PCA3: variants seen among roughly 807,000 people sequenced by gnomAD.
PCA3 encodes the protein prostate cancer associated 3.
chr9:76,780,912 C>G (rs1165807970), intron 2 of PCA3, among the ~76,000 whole-genome samples: 1 of 152,134 alleles, frequency 6.6e-6, no homozygotes, highest in South Asian at 2.1e-4. Context: ...AACCCTCATC[C>G]CCGTGTGTTT....
chr9:76,782,055 A>G (rs2054470265), intron 2 of PCA3, among the ~76,000 whole-genome samples: 1 of 152,170 alleles, frequency 6.6e-6, no homozygotes, highest in Non-Finnish European at 1.5e-5. Flanking sequence ...TCTACTAAAA[A>G]TACAAAAAAT....
At chr9:76,785,683 T>C (rs1278528957) in intron 2 of PCA3, 2 of 152,180 alleles carry the variant, frequency 1.3e-5, no homozygotes, top group African/African-American at 4.8e-5. Flanking sequence ...GGTTCACTCC[T>C]GGCAATAAAG....
At chr9:76,769,642 C>G (rs1225948943) in intron 2 of PCA3, among the ~76,000 whole-genome samples, 2 of 152,170 alleles carry the variant, frequency 1.3e-5, no homozygotes. Flanking sequence ...TCAGGCTGGA[C>G]TCGAACTCCC....
intron 2 of PCA3, chr9:76,785,550 C>T (rs1209346247): frequency 6.6e-6 from 1 of 152,174 alleles, no homozygotes; most frequent in South Asian, 2.1e-4. Context: ...AACCTTTATC[C>T]ATTTCATGGT....
At chr9:76,765,897 T>TA (rs2052312974) in intron 2 of PCA3, among the ~76,000 whole-genome samples, 2 of 152,090 alleles carry the variant, frequency 1.3e-5, no homozygotes, top group African/African-American at 4.8e-5. Flanking sequence ...AATATCTCGT[T>TA]AGAGGCCAGA....
intron 2 of PCA3, among the ~76,000 whole-genome samples, chr9:76,770,355 AT>A (rs2052955974): frequency 6.6e-6 from 1 of 152,186 alleles, no homozygotes; most frequent in South Asian, 2.1e-4. Flanking sequence ...GCATTAAAAT[AT>A]CAAGGATTTT....
At chr9:76,781,470 C>T (rs908383065) in intron 2 of PCA3, among the ~76,000 whole-genome samples, 2 of 152,222 alleles carry the variant, frequency 1.3e-5, no homozygotes, top group Admixed American at 6.5e-5. Flanking sequence ...GCCTGGAATG[C>T]TCTTACCCCT....
chr9:76,783,742 G>C (rs1354512805), intron 2 of PCA3: 2 of 152,116 alleles, frequency 1.3e-5, no homozygotes, highest in Non-Finnish European at 2.9e-5. Context: ...TACCATCTGA[G>C]GCCACACATC....
intron 2 of PCA3, chr9:76,778,507 T>C (rs898493862): frequency 2.0e-5 from 3 of 152,196 alleles, no homozygotes; most frequent in East Asian, 1.9e-4. Flanking sequence ...AGGAGATCAG[T>C]TGGAGCAAGC....
chr9:76,769,320 CT>C (rs1304570249), intron 2 of PCA3, among the ~76,000 whole-genome samples: 1 of 152,198 alleles, frequency 6.6e-6, no homozygotes, highest in Non-Finnish European at 1.5e-5. Flanking sequence ...TACAGAATAA[CT>C]GAACTGTTTT....
chr9:76,777,485 A>C (rs2053928510), intron 2 of PCA3, among the ~76,000 whole-genome samples: 1 of 152,200 alleles, frequency 6.6e-6, no homozygotes, highest in African/African-American at 2.4e-5. Flanking sequence ...TGGCTGACTG[A>C]AGAAATGAAT....
intron 2 of PCA3, among the ~76,000 whole-genome samples, chr9:76,777,108 T>C (rs1292143910): frequency 6.6e-6 from 1 of 152,020 alleles, no homozygotes; most frequent in African/African-American, 2.4e-5. Context: ...GGTTGTATAT[T>C]GCTGAGAGAT....
intron 2 of PCA3, among the ~76,000 whole-genome samples, chr9:76,770,122 A>G (rs1438197495): frequency 1.3e-5 from 2 of 152,200 alleles, no homozygotes. Flanking sequence ...ACAATTCTTC[A>G]GTCACTAAAA....
At chr9:76,784,148 G>C (rs538367547) in intron 2 of PCA3, 2 of 152,318 alleles carry the variant, frequency 1.3e-5, no homozygotes, top group African/African-American at 2.4e-5. Flanking sequence ...CGCCATCTTG[G>C]GTCATCGATG....
At chr9:76,780,463 G>A (rs951328768) in intron 2 of PCA3, among the ~76,000 whole-genome samples, 9 of 152,064 alleles carry the variant, frequency 5.9e-5, no homozygotes, top group Admixed American at 1.3e-4. Context: ...CGAGGCGGGC[G>A]GATCACGAGG....
At chr9:76,777,898 G>C (rs1027538872) in intron 2 of PCA3, among the ~76,000 whole-genome samples, 1 of 152,168 alleles carries the variant, frequency 6.6e-6, no homozygotes, top group Non-Finnish European at 1.5e-5. Context: ...TCAGAGAGGG[G>C]ACAGCAGGTA....
chr9:76,783,929 T>C (rs905300900), intron 2 of PCA3: 1 of 152,226 alleles, frequency 6.6e-6, no homozygotes, highest in African/African-American at 2.4e-5. Context: ...TCAGAAATTT[T>C]TGATGGCCTT....
At chr9:76,771,841 G>A (rs1458721035) in intron 2 of PCA3, among the ~76,000 whole-genome samples, 1 of 152,110 alleles carries the variant, frequency 6.6e-6, no homozygotes, top group African/African-American at 2.4e-5. Flanking sequence ...AACCACTCAG[G>A]TGTGGTTTGC....
chr9:76,769,518 C>A (rs570931739), intron 2 of PCA3, among the ~76,000 whole-genome samples: 1 of 152,230 alleles, frequency 6.6e-6, no homozygotes, highest in Non-Finnish European at 1.5e-5. Flanking sequence ...CTCCGCCCCC[C>A]GGGTTCAAGT....
Sources: gnomAD v4.1 joint callset for allele counts (sites outside exome capture counted in the v4.1 genomes callset) on GRCh38, gnomAD v4.1.1 for gene constraint, MANE v1.5 for transcripts, NCBI Gene and HGNC (gene_info 2026-07-23, HGNC 2026-07-21) for gene names.